Variants in AUTS2 observed in about 807,000 individuals in gnomAD.
AUTS2 encodes activator of transcription and developmental regulator AUTS2.
In AUTS2, 17 loss-of-function variants were observed where a neutral mutation model predicts 112.4. The observed-to-expected ratio is 0.15, with a 90% CI of 0.10 to 0.23. The LOEUF (loss-of-function observed/expected upper bound fraction) is 0.23, where lower values mean the gene tolerates loss of function less well. Among genes scored for constraint, AUTS2 ranks in the 10% least tolerant of loss-of-function variants. The probability of loss-of-function intolerance (pLI) is 1.00; values close to 1 mark genes in which losing one functional copy is unlikely to be tolerated. For missense variants in AUTS2, 1,510 were observed against 1,701.6 expected, an observed-to-expected ratio of 0.89 and a Z score of 1.98; for synonymous variants, 751 against 702.7, an observed-to-expected ratio of 1.07 and a Z score of -1.09.
At position 70,762,409 on chromosome 7, in the gene AUTS2, C is replaced by CTGTA. The variant is rs1554480292; in HGVS notation, c.743-460_743-457dup. Among the ~76,000 whole-genome samples the CTGTA allele has an allele frequency of 5.7e-4, 86 of 151,972 alleles. 1 individual carries two copies. Among genetic ancestry groups the CTGTA allele is most frequent in the African/African-American group, 2.0e-3 (82 of 41,444 alleles). On this transcript the variant is annotated intron_variant, in intron 6 of 18. Transcript: ENST00000342771. ...ACCTCAGCCTCCCGAGTAGCTTGGA[C>CTGTA]TGTAGTACACACCACCACACCTGGC...
Position 70,550,904 on chromosome 7 carries a change from A to G in AUTS2, c.690+115123A>G, listed in dbSNP as rs188787638. Among the ~76,000 whole-genome samples, 22 of 152,316 alleles carry G rather than the reference A, an allele frequency of 1.4e-4. No individual in the cohort carries two copies. The East Asian group carries it at 3.5e-3, about 24-fold the overall frequency. ...TTACCATTCTCCAATAAAAAGAACTAGGACTCCTGAGTGAAATGGTTGCTT... is the reference window on the plus strand; with the variant it reads ...TTACCATTCTCCAATAAAAAGAACTGGGACTCCTGAGTGAAATGGTTGCTT... On this transcript the variant is annotated intron_variant, in intron 5 of 18. Transcript: ENST00000342771.
intron 1 of AUTS2, among the ~76,000 whole-genome samples, chr7:69,737,502 G>A (rs985176342): frequency 3.9e-5 from 6 of 152,026 alleles, no homozygotes; most frequent in African/African-American, 7.2e-5. Flanking sequence ...TGCCTAGTCC[G>A]GGTTATCTCC....
chr7:69,623,877 A>G (rs1414852406), intron 1 of AUTS2, among the ~76,000 whole-genome samples: 1 of 152,200 alleles, frequency 6.6e-6, no homozygotes, highest in Non-Finnish European at 1.5e-5. Context: ...CCCACAAAAA[A>G]TGATTTTTAT....
intron 2 of AUTS2, among the ~76,000 whole-genome samples, chr7:70,026,833 A>T (rs1800543448): frequency 1.3e-5 from 2 of 152,166 alleles, no homozygotes; most frequent in African/African-American, 4.8e-5. Context: ...TGGTCAGGAG[A>T]TAAACCCCCA....
chr7:69,733,485 A>G (rs1786889856), intron 1 of AUTS2, among the ~76,000 whole-genome samples: 1 of 152,182 alleles, frequency 6.6e-6, no homozygotes, highest in African/African-American at 2.4e-5. Flanking sequence ...ATAGGTTTGC[A>G]GGTGGTGACC....
chr7:70,313,259 A>G (rs940546816), intron 4 of AUTS2, among the ~76,000 whole-genome samples: 8 of 152,220 alleles, frequency 5.3e-5, no homozygotes, highest in Admixed American at 1.3e-4. Context: ...CTTGTCCCAC[A>G]CAGAGTCACT....
rs545995335 is a variant in AUTS2 at position 69,745,478 on chromosome 7, C to A, written c.309+145516C>A. On this transcript the variant is annotated intron_variant, in intron 1 of 18. Transcript: ENST00000342771. ...TGCCTCCTTTGCACTGTTACCACTG[C>A]ATCAGAGCATTTTAATCAGCTTGCT... Among the ~76,000 whole-genome samples, 4 of 152,308 alleles carry A rather than the reference C, an allele frequency of 2.6e-5. No homozygotes were observed. In the East Asian group the frequency reaches 7.7e-4, roughly 29 times the overall value.
chr7:69,861,569 G>A (rs1792985728), intron 1 of AUTS2, among the ~76,000 whole-genome samples: 1 of 152,112 alleles, frequency 6.6e-6, no homozygotes, highest in South Asian at 2.1e-4. Flanking sequence ...TGCAGGTTGA[G>A]GTTAAACAAT....
At chr7:69,625,728 T>A (rs1793914181) in intron 1 of AUTS2, among the ~76,000 whole-genome samples, 1 of 151,842 alleles carries the variant, frequency 6.6e-6, no homozygotes, top group Admixed American at 6.6e-5. Flanking sequence ...TGTGGTGGCT[T>A]ACAATGGTAG....
intron 4 of AUTS2, among the ~76,000 whole-genome samples, chr7:70,405,324 A>T (rs536885965): frequency 6.6e-6 from 1 of 152,360 alleles, no homozygotes; most frequent in South Asian, 2.1e-4. Flanking sequence ...CTGGGAGCAG[A>T]TGCCATCTCT....
intron 6 of AUTS2, among the ~76,000 whole-genome samples, chr7:70,721,413 C>T (rs1292399789): frequency 1.3e-5 from 2 of 152,010 alleles, no homozygotes; most frequent in African/African-American, 4.8e-5. Flanking sequence ...GTTCTCCTGC[C>T]TCAGCCTCCC....
intron 6 of AUTS2, among the ~76,000 whole-genome samples, chr7:70,703,067 A>G (rs1034272737): frequency 2.6e-5 from 4 of 152,226 alleles, no homozygotes; most frequent in Non-Finnish European, 2.9e-5. Flanking sequence ...CTTAGTAACC[A>G]GGTACCTAAT....
At chr7:70,492,454 T>C (rs1300186400) in intron 5 of AUTS2, among the ~76,000 whole-genome samples, 2 of 152,174 alleles carry the variant, frequency 1.3e-5, no homozygotes, top group South Asian at 2.1e-4. Context: ...AGTCACATGA[T>C]AGTAGCATCA....
At chr7:70,161,592 T>C (rs1316045450) in intron 4 of AUTS2, among the ~76,000 whole-genome samples, 1 of 150,060 alleles carries the variant, frequency 6.7e-6, no homozygotes, top group Non-Finnish European at 1.5e-5. Context: ...TCGGTTAACC[T>C]TAGATTATTT....
chr7:69,823,368 C>A (rs1338533309), intron 1 of AUTS2, among the ~76,000 whole-genome samples: 1 of 152,224 alleles, frequency 6.6e-6, no homozygotes, highest in Non-Finnish European at 1.5e-5. Context: ...CTCCACTCAG[C>A]ATAGACTCTT....
intron 2 of AUTS2, among the ~76,000 whole-genome samples, chr7:70,064,777 G>C (rs1802413132): frequency 1.3e-5 from 2 of 152,174 alleles, no homozygotes; most frequent in African/African-American, 4.8e-5. Context: ...TTGTGTTGGA[G>C]CCTAGAATTG....
chr7:69,714,702 T>C (rs1010512370), intron 1 of AUTS2, among the ~76,000 whole-genome samples: 2 of 152,180 alleles, frequency 1.3e-5, no homozygotes, highest in African/African-American at 2.4e-5. Flanking sequence ...CCTTTACCTT[T>C]CCATAGAAAT....
intron 2 of AUTS2, among the ~76,000 whole-genome samples, chr7:69,998,836 A>T (rs1052920091): frequency 1.1e-4 from 16 of 152,176 alleles, no homozygotes. Context: ...AAAATTTTTA[A>T]TAAGGTGGTT....
chr7:70,034,797 T>G (rs911244949), intron 2 of AUTS2, among the ~76,000 whole-genome samples: 1 of 152,182 alleles, frequency 6.6e-6, no homozygotes, highest in Non-Finnish European at 1.5e-5. Flanking sequence ...TGAGCACGTC[T>G]TGAGTGTGAG....
Sources: allele counts gnomAD v4.1 joint callset (sites outside exome capture counted in the v4.1 genomes callset), GRCh38; gene constraint gnomAD v4.1.1; transcripts MANE v1.5; gene names NCBI Gene and HGNC (gene_info 2026-07-23, HGNC 2026-07-21).